The following FNIP2 variants were observed in gnomAD, a reference collection of about 807,000 sequenced individuals.
FNIP2 encodes the protein folliculin-interacting protein 2.
A neutral mutation model predicts 108.7 loss-of-function variants in FNIP2; 32 were observed. That is an observed-to-expected ratio of 0.29 (90% CI 0.22 to 0.40). The LOEUF is 0.40. FNIP2 is among the 10% of genes least tolerant of loss of function. The pLI, the probability that FNIP2 is intolerant of heterozygous loss-of-function variation, is 1.00. For missense variants in FNIP2, 1,202 were observed against 1,381.6 expected (o/e 0.87, Z 2.06); for synonymous variants, 480 against 496.7 (o/e 0.97, Z 0.45).
chr4:158,847,533 C>G (rs959675976), intron 7 of FNIP2, among the ~76,000 whole-genome samples: 1 of 152,208 alleles, frequency 6.6e-6, no homozygotes, highest in African/African-American at 2.4e-5. Context: ...GGACCCAGTA[C>G]TGGCAGGATT....
chr4:158,808,544 G>A (rs543726318), intron 1 of FNIP2: 2 of 152,048 alleles, frequency 1.3e-5, no homozygotes, highest in East Asian at 1.9e-4. Context: ...TCCTTTCTAC[G>A]ATCTTGGAAA....
At chr4:158,845,327 C>G (rs1468731235) in intron 7 of FNIP2, among the ~76,000 whole-genome samples, 2 of 152,198 alleles carry the variant, frequency 1.3e-5, no homozygotes, top group East Asian at 3.8e-4. Flanking sequence ...TGAACTCATG[C>G]AAAAGTTCTT....
intron 16 of FNIP2, among the ~76,000 whole-genome samples, chr4:158,901,798 G>A (rs1268095657): frequency 2.0e-5 from 3 of 151,544 alleles, no homozygotes; most frequent in Non-Finnish European, 4.4e-5. Flanking sequence ...ACTTGTGTAT[G>A]CTTCATGAAG....
chr4:158,807,552 A>T (rs1365767668), intron 1 of FNIP2, among the ~76,000 whole-genome samples: 1 of 152,258 alleles, frequency 6.6e-6, no homozygotes, highest in Middle Eastern at 3.4e-3. Context: ...TTTTTTTCTT[A>T]CAGAAATTTT....
intron 13 of FNIP2, among the ~76,000 whole-genome samples, chr4:158,869,679 G>A (rs1018217494): frequency 7.9e-5 from 12 of 152,202 alleles, no homozygotes; most frequent in African/African-American, 2.2e-4. Flanking sequence ...TGCAGCTATC[G>A]TGATCCTTTG....
intron 14 of FNIP2, among the ~76,000 whole-genome samples, chr4:158,882,183 G>A (rs1309629625): frequency 2.7e-5 from 4 of 147,812 alleles, no homozygotes; most frequent in Admixed American, 6.7e-5. Flanking sequence ...GAGCCCCTCC[G>A]CCCAGCAGCC....
intron 1 of FNIP2, among the ~76,000 whole-genome samples, chr4:158,790,969 A>G (rs531239257): frequency 1.8e-4 from 27 of 151,598 alleles, no homozygotes; most frequent in Non-Finnish European, 3.2e-4. Context: ...TTGTCTTTCC[A>G]TTTTGTTTGC....
chr4:158,776,457 G>A (rs4632606), intron 1 of FNIP2, among the ~76,000 whole-genome samples: 4,917 of 152,252 alleles, frequency 0.032, 181 homozygotes, highest in Admixed American at 0.11. Flanking sequence ...TCTCTGATAT[G>A]CCTGGAAAAT....
chr4:158,784,860 A>G (rs1183128622), intron 1 of FNIP2, among the ~76,000 whole-genome samples: 1 of 152,122 alleles, frequency 6.6e-6, no homozygotes, highest in African/African-American at 2.4e-5. Flanking sequence ...TTCTTCTTAT[A>G]TGGCAGTTAC....
At position 158,870,447 on chromosome 4, in the gene FNIP2, C is replaced by T; in HGVS notation, c.2927C>T (p.Ala976Val). The T allele has an allele frequency of 6.2e-7, 1 of 1,612,526 alleles. No homozygotes were observed. The highest frequency in any genetic ancestry group is 8.5e-7 in the Non-Finnish European group (1 of 1,179,120). Residue 976 changes from alanine to valine, a missense_variant, in exon 14 of 17, where the codon GCC becomes GTC. Around this residue, in one of 5 missense-constraint regions of FNIP2, gnomAD observed 142 missense variants for 183.8 expected, o/e 0.77. Coordinates refer to ENST00000264433, the MANE Select transcript of FNIP2 (RefSeq NM_020840.3). ...SDEKLKQCLV[A>V]DLVHTVHHPV... The stretch of plus-strand genomic sequence containing the variant: ...GAGAAGCTGAAGCAGTGCCTGGTGG[C>T]CGACCTTGTCCACACAGTCCATGTA...
chr4:158,770,664 G>A (rs1171373629), intron 1 of FNIP2, among the ~76,000 whole-genome samples: 1 of 152,046 alleles, frequency 6.6e-6, no homozygotes, highest in East Asian at 1.9e-4. Context: ...AATTTGAGTG[G>A]GAATTCTATG....
intron 3 of FNIP2, among the ~76,000 whole-genome samples, chr4:158,830,923 A>G (rs1236633862): frequency 6.6e-6 from 1 of 152,226 alleles, no homozygotes; most frequent in Non-Finnish European, 1.5e-5. Context: ...GTATTGGGGT[A>G]TACGATTCTA....
chr4:158,883,322 A>G (rs949535965), intron 14 of FNIP2, among the ~76,000 whole-genome samples: 7 of 152,012 alleles, frequency 4.6e-5, no homozygotes, highest in African/African-American at 1.2e-4. Context: ...GCTCACTGCA[A>G]GCTCCGCCTC....
chr4:158,847,325 G>A (rs1196587665), intron 7 of FNIP2, among the ~76,000 whole-genome samples: 4 of 152,086 alleles, frequency 2.6e-5, no homozygotes, highest in Admixed American at 6.5e-5. Flanking sequence ...AGTGTAGTTC[G>A]TAGCTCCAGG....
chr4:158,778,841 T>G (rs190092434), intron 1 of FNIP2, among the ~76,000 whole-genome samples: 1 of 152,340 alleles, frequency 6.6e-6, no homozygotes, highest in Non-Finnish European at 1.5e-5. Flanking sequence ...CAGGCTTTAT[T>G]GTTAGAAATG....
chr4:158,773,014 C>T (rs1775747125), intron 1 of FNIP2, among the ~76,000 whole-genome samples: 1 of 152,130 alleles, frequency 6.6e-6, no homozygotes, highest in African/African-American at 2.4e-5. Context: ...GGAAATTACA[C>T]AGAAGTGCTT....
At chr4:158,783,970 G>A (rs1379813528) in intron 1 of FNIP2, among the ~76,000 whole-genome samples, 5 of 152,208 alleles carry the variant, frequency 3.3e-5, no homozygotes, top group Non-Finnish European at 5.9e-5. Flanking sequence ...TGGAAGTGAT[G>A]GGGAGATACT....
intron 1 of FNIP2, among the ~76,000 whole-genome samples, chr4:158,817,923 G>T (rs1777664803): frequency 6.6e-6 from 1 of 152,222 alleles, no homozygotes; most frequent in African/African-American, 2.4e-5. Flanking sequence ...TGGGATGGCT[G>T]CCTCCAGCCT....
rs75065196 is a variant in FNIP2 at position 158,791,905 on chromosome 4, C to T, written c.107+22586C>T. On this transcript the variant is annotated intron_variant, in intron 1 of 16. Transcript: ENST00000264433. ...GGGCAGCTGATAGCAGGAAAACTGT[C>T]CTTAGGGGATAACAGACAATGAGAT... Among the ~76,000 whole-genome samples the T allele has an allele frequency of 4.7e-3, 715 of 152,150 alleles. 3 individuals carry two copies. In the Middle Eastern group the frequency reaches 0.051, roughly 11 times the overall value.
Sources: gnomAD v4.1 joint callset for allele counts (sites outside exome capture counted in the v4.1 genomes callset) on GRCh38, gnomAD v4.1.1 for gene constraint, gnomAD v4.1.1 regional missense constraint, MANE v1.5 for transcripts, NCBI Gene and HGNC (gene_info 2026-07-23, HGNC 2026-07-21) for gene names.